Variants in ASTN2 observed in about 807,000 individuals in gnomAD.
The protein encoded by ASTN2 is astrotactin 2.
A neutral mutation model predicts 139.8 loss-of-function variants in ASTN2; 54 were observed. That is an observed-to-expected ratio of 0.39 (90% CI 0.31 to 0.48). The LOEUF (loss-of-function observed/expected upper bound fraction) is 0.48. ASTN2 is among the 20% of genes least tolerant of loss of function. The probability of loss-of-function intolerance (pLI) is 0.95; values close to 1 mark genes in which losing one functional copy is unlikely to be tolerated. For missense variants in ASTN2, 1,565 were observed against 1,725.1 expected (o/e 0.91, Z 1.64); for synonymous variants, 756 against 719.5 (o/e 1.05, Z -0.81).
chr9:116,510,352 T>C (rs1850317952), intron 19 of ASTN2, among the ~76,000 whole-genome samples: 1 of 152,102 alleles, frequency 6.6e-6, no homozygotes, highest in Admixed American at 6.5e-5. Flanking sequence ...CTCTGTTCTG[T>C]TCCATTGGTC....
chr9:117,050,199 C>T (rs1363883701), intron 5 of ASTN2, among the ~76,000 whole-genome samples: 1 of 152,090 alleles, frequency 6.6e-6, no homozygotes, highest in Non-Finnish European at 1.5e-5. Context: ...TGCTGAGGAA[C>T]AGAGCAAAAG....
At chr9:117,302,988 ATCTTT>A (rs1168085043) in intron 1 of ASTN2, among the ~76,000 whole-genome samples, 4 of 152,040 alleles carry the variant, frequency 2.6e-5, no homozygotes, top group Admixed American at 2.6e-4. Context: ...AAATGCCTTA[ATCTTT>A]TCTTCTGCAT....
intron 16 of ASTN2, among the ~76,000 whole-genome samples, chr9:116,712,723 G>A (rs538846012): frequency 5.9e-5 from 9 of 152,264 alleles, no homozygotes; most frequent in South Asian, 2.1e-4. Context: ...TGAAAGTTGC[G>A]TTCCTTTCTA....
chr9:116,668,913 A>C (rs1859026942), intron 16 of ASTN2, among the ~76,000 whole-genome samples: 1 of 152,096 alleles, frequency 6.6e-6, no homozygotes, highest in South Asian at 2.1e-4. Context: ...CCAGAGGCAG[A>C]GACTCAGGCA....
At chr9:116,961,857 T>C (rs1437167782) in intron 10 of ASTN2, among the ~76,000 whole-genome samples, 1 of 152,202 alleles carries the variant, frequency 6.6e-6, no homozygotes, top group Non-Finnish European at 1.5e-5. Context: ...GGCTAAATAA[T>C]TGTAATATAA....
In ASTN2 at chr9:117,060,427, GAA is replaced by G. The variant is rs1839234333; in HGVS notation, c.1277-20464_1277-20463del. On this transcript the variant is annotated intron_variant, in intron 5 of 22. Transcript: ENST00000313400. ...GAAAGAAAGAAGGAAAGGAAGGAAGGAAGGAAGAGAGAGAGAGAAAGAAAGAA... is the reference window on the plus strand; with the variant it reads ...GAAAGAAAGAAGGAAAGGAAGGAAGGGGAAGAGAGAGAGAGAAAGAAAGAA... Among the ~76,000 whole-genome samples the G allele has an allele frequency of 4.2e-5, 4 of 96,262 alleles. 1 individual carries two copies. Among genetic ancestry groups the G allele is most frequent in the Non-Finnish European group, 7.9e-5 (4 of 50,934 alleles). 63.2% of individuals were successfully genotyped at this position (96,262 alleles called of 152,430 possible). A position where few individuals can be genotyped will look rare whatever the true frequency, so the allele number is the denominator to read the frequency against.
chr9:117,111,828 C>T, intron 4 of ASTN2, among the ~76,000 whole-genome samples: 1 of 151,662 alleles, frequency 6.6e-6, no homozygotes. Flanking sequence ...AAAGAAAAAG[C>T]TTAAAGTTTG....
At chr9:117,393,719 G>A (rs1588008252) in intron 1 of ASTN2, among the ~76,000 whole-genome samples, 1 of 152,178 alleles carries the variant, frequency 6.6e-6, no homozygotes. Context: ...GAGCTCCTGA[G>A]ACCCTCTTGC....
At chr9:116,637,369 A>G (rs551872118) in intron 17 of ASTN2, among the ~76,000 whole-genome samples, 27 of 152,342 alleles carry the variant, frequency 1.8e-4, no homozygotes, top group African/African-American at 6.5e-4. Context: ...AGCACCTTAC[A>G]TGAACTATCT....
intron 2 of ASTN2, among the ~76,000 whole-genome samples, chr9:117,242,984 C>A (rs948549632): frequency 6.6e-6 from 1 of 152,206 alleles, no homozygotes; most frequent in African/African-American, 2.4e-5. Context: ...TCATCGCCAT[C>A]GTCATCATCA....
chr9:117,097,257 A>G (rs948988525), intron 4 of ASTN2, among the ~76,000 whole-genome samples: 14 of 152,210 alleles, frequency 9.2e-5, no homozygotes, highest in Admixed American at 3.9e-4. Flanking sequence ...ATGCATTCAT[A>G]TGCTGTGAAC....
At chr9:116,915,176 A>G (rs936752411) in intron 10 of ASTN2, among the ~76,000 whole-genome samples, 10 of 152,150 alleles carry the variant, frequency 6.6e-5, no homozygotes, top group Admixed American at 1.3e-4. Flanking sequence ...ATACAAAGCA[A>G]ATATCTGGGC....
chr9:116,913,098 T>C (rs1484908425), intron 10 of ASTN2, among the ~76,000 whole-genome samples: 1 of 152,144 alleles, frequency 6.6e-6, no homozygotes, highest in African/African-American at 2.4e-5. Context: ...GAAACAGAGT[T>C]TCGCCATATT....
chr9:116,839,545 T>G (rs2132299344), intron 11 of ASTN2, among the ~76,000 whole-genome samples: 1 of 152,150 alleles, frequency 6.6e-6, no homozygotes. Flanking sequence ...AGTGGCACGA[T>G]CTTGGCTCAC....
intron 22 of ASTN2, among the ~76,000 whole-genome samples, chr9:116,438,357 C>G (rs895163909): frequency 6.6e-6 from 1 of 152,128 alleles, no homozygotes; most frequent in African/African-American, 2.4e-5. Flanking sequence ...GGAGATAATC[C>G]CAACTTCTTA....
chr9:117,280,211 T>G (rs1412255285), intron 2 of ASTN2, among the ~76,000 whole-genome samples: 1 of 152,176 alleles, frequency 6.6e-6, no homozygotes, highest in Non-Finnish European at 1.5e-5. Flanking sequence ...CCCACAGAAA[T>G]GACATTGTCC....
chr9:116,822,110 C>A (rs372975582), intron 11 of ASTN2, among the ~76,000 whole-genome samples: 2 of 152,058 alleles, frequency 1.3e-5, no homozygotes, highest in South Asian at 2.1e-4. Flanking sequence ...GCCAACTCCC[C>A]GCTCCCCTTC....
chr9:116,457,351 A>G (rs1848363397), intron 20 of ASTN2, among the ~76,000 whole-genome samples: 1 of 152,152 alleles, frequency 6.6e-6, no homozygotes, highest in African/African-American at 2.4e-5. Flanking sequence ...AAATGAACAA[A>G]TGGGATGATA....
At chr9:117,217,284 C>T (rs1564485202) in intron 2 of ASTN2, among the ~76,000 whole-genome samples, 1 of 152,094 alleles carries the variant, frequency 6.6e-6, no homozygotes, top group Admixed American at 6.5e-5. Context: ...CTGACCATGC[C>T]CTCTGTCTTC....
Sources: gnomAD v4.1 joint callset for allele counts (sites outside exome capture counted in the v4.1 genomes callset) on GRCh38, gnomAD v4.1.1 for gene constraint, MANE v1.5 for transcripts, NCBI Gene and HGNC (gene_info 2026-07-23, HGNC 2026-07-21) for gene names.